The following NAA11 variants were observed in gnomAD, a reference collection of about 807,000 sequenced individuals.
The protein encoded by NAA11 is N-alpha-acetyltransferase 11.
Under a neutral mutation model 16.1 loss-of-function variants are expected in NAA11, and 15 were observed. The observed-to-expected ratio is 0.93, with a 90% CI of 0.62 to 1.44. The LOEUF is 1.44. NAA11 is among the 40% of genes most tolerant of loss of function. The pLI is 0.00. For missense variants in NAA11, 298 were observed against 291.3 expected (o/e 1.02, Z -0.17); for synonymous variants, 122 against 112.4 (o/e 1.09, Z -0.54).
intron 2 of NAA11, among the ~76,000 whole-genome samples, chr4:79,267,145 G>A (rs762091789): frequency 1.9e-4 from 29 of 152,142 alleles, no homozygotes; most frequent in Admixed American, 5.2e-4. Context: ...TCTTCCTGAA[G>A]CAAATTCATT....
chr4:79,305,785 T>C (rs1723561507), intron 1 of NAA11, among the ~76,000 whole-genome samples: 3 of 152,212 alleles, frequency 2.0e-5, no homozygotes, highest in Admixed American at 2.0e-4. Context: ...TTTTTAGGTA[T>C]ATTGAAAGAC....
chr4:79,275,581 A>G (rs1722629818), intron 2 of NAA11, among the ~76,000 whole-genome samples: 1 of 152,154 alleles, frequency 6.6e-6, no homozygotes, highest in Non-Finnish European at 1.5e-5. Context: ...ATGAACAAGA[A>G]TGGGACATAG....
intron 2 of NAA11, among the ~76,000 whole-genome samples, chr4:79,248,997 C>CCCCCAG (rs1721923811): frequency 6.6e-6 from 1 of 152,296 alleles, no homozygotes; most frequent in East Asian, 1.9e-4. Flanking sequence ...TTGAGCCCCC[C>CCCCCAG]CCCAGTGCAG....
chr4:79,226,948 A>G (rs569601682), intron 2 of NAA11, among the ~76,000 whole-genome samples: 15 of 152,194 alleles, frequency 9.9e-5, no homozygotes, highest in African/African-American at 3.6e-4. Context: ...ATACCCAGTA[A>G]TGGGATGGCT....
At chr4:79,282,440 T>C (rs1722815507) in intron 2 of NAA11, among the ~76,000 whole-genome samples, 1 of 152,080 alleles carries the variant, frequency 6.6e-6, no homozygotes, top group Non-Finnish European at 1.5e-5. Context: ...GTCCAGTTTG[T>C]AGCTATTGAG....
the NAA11 span, among the ~76,000 whole-genome samples, chr4:79,180,840 T>A: frequency 4.6e-5 from 7 of 152,130 alleles, no homozygotes; most frequent in South Asian, 4.1e-4. Flanking sequence ...CAAATATCCG[T>A]CAATGATAGA....
chr4:79,196,955 C>CAAAAAAAAAAAAAAAAAAAAAA, the NAA11 span, among the ~76,000 whole-genome samples: 65 of 86,170 alleles, frequency 7.5e-4, no homozygotes, highest in African/African-American at 1.3e-3. Context: ...ATGAAAAAGA[C>CAAAAAAAAAAAAAAAAAAAAAA]AAAAAAAAAA....
At chr4:79,227,838 A>G (rs1473148799) in intron 2 of NAA11, 2 of 152,018 alleles carry the variant, frequency 1.3e-5, no homozygotes, top group African/African-American at 4.8e-5. Context: ...TCTTCCTCAT[A>G]TTAATTGCCA....
intron 2 of NAA11, among the ~76,000 whole-genome samples, chr4:79,235,813 G>T (rs1330655903): frequency 6.6e-6 from 1 of 152,002 alleles, no homozygotes; most frequent in African/African-American, 2.4e-5. Flanking sequence ...AAGTTATGAA[G>T]TATTTGTCTC....
At chr4:79,316,218 A>G (rs1723922438), downstream of NAA11, among the ~76,000 whole-genome samples, 1 of 152,220 alleles carries the variant, frequency 6.6e-6, no homozygotes, top group Non-Finnish European at 1.5e-5. Context: ...GACAGATGTT[A>G]GAAAGCTGTA....
chr4:79,213,670 T>C, the NAA11 span, among the ~76,000 whole-genome samples: 15 of 152,318 alleles, frequency 9.8e-5, no homozygotes, highest in African/African-American at 3.4e-4. Flanking sequence ...GAAGACATCA[T>C]TTATCTGCTT....
chr4:79,324,920 C>G (rs1204178546), intron 1 of NAA11, among the ~76,000 whole-genome samples: 1 of 152,200 alleles, frequency 6.6e-6, no homozygotes, highest in African/African-American at 2.4e-5. Flanking sequence ...AACTCATGCC[C>G]AAAAAGCAGG....
intron 2 of NAA11, among the ~76,000 whole-genome samples, chr4:79,266,611 T>C (rs578262142): frequency 1.3e-5 from 2 of 152,226 alleles, no homozygotes; most frequent in South Asian, 4.2e-4. Context: ...AAGCTGACGG[T>C]TTTGCACTCT....
rs780679579 is a variant in NAA11 at position 79,325,606 on chromosome 4, A to G, written c.272T>C (p.Met91Thr). Residue 91 changes from methionine (M) to threonine (T), a missense_variant, in exon 1 of 2, where the codon ATG becomes ACG. Physicochemically the swap from Met to Thr is moderately conservative, Grantham distance 81. Transcript: ENST00000286794. Reference sequence around the variant, plus strand: ...TATCATGGCCCTGGAGGCCTGGTCCATCAGCTTCTGGGCCAGGCCGAGGCG... The same window carrying G: ...TATCATGGCCCTGGAGGCCTGGTCCGTCAGCTTCTGGGCCAGGCCGAGGCG... ...HRRLGLAQKL[M>T]DQASRAMIEN... The G allele has an allele frequency of 6.2e-7, 1 of 1,614,100 alleles. No homozygotes were observed.
intron 1 of NAA11, among the ~76,000 whole-genome samples, chr4:79,296,380 A>G (rs1372265445): frequency 6.6e-6 from 1 of 152,194 alleles, no homozygotes; most frequent in Non-Finnish European, 1.5e-5. Flanking sequence ...GACAGAGGAC[A>G]CCATTTTGTT....
chr4:79,325,111 G>A, intron 1 of NAA11, 65 bp downstream of exon 1: 4 of 1,375,796 alleles, frequency 2.9e-6, no homozygotes, highest in Non-Finnish European at 3.9e-6. Flanking sequence ...GATGGAATTG[G>A]GCAGGCCAAG....
intron 2 of NAA11, among the ~76,000 whole-genome samples, chr4:79,287,520 T>G (rs2109990199): frequency 6.6e-6 from 1 of 152,244 alleles, no homozygotes; most frequent in Admixed American, 6.5e-5. Flanking sequence ...TGTAATAAGT[T>G]TTAGCAAATT....
chr4:79,181,598 G>A, the NAA11 span, among the ~76,000 whole-genome samples: 1 of 152,136 alleles, frequency 6.6e-6, no homozygotes, highest in Non-Finnish European at 1.5e-5. Flanking sequence ...TTTACTCCAG[G>A]GGCACATTAT....
the NAA11 span, among the ~76,000 whole-genome samples, chr4:79,166,462 C>A: frequency 6.6e-6 from 1 of 151,284 alleles, no homozygotes; most frequent in Admixed American, 6.6e-5. Flanking sequence ...ACTGATCCTC[C>A]TCTATCAGTC....
Sources: gnomAD v4.1 joint callset for allele counts (sites outside exome capture counted in the v4.1 genomes callset) on GRCh38, gnomAD v4.1.1 for gene constraint, MANE v1.5 for transcripts, NCBI Gene and HGNC (gene_info 2026-07-23, HGNC 2026-07-21) for gene names.